The following PLEKHM3 variants were observed in gnomAD, a reference collection of about 807,000 sequenced individuals.
The protein encoded by PLEKHM3 is pleckstrin homology domain containing M3.
A neutral mutation model predicts 81.8 loss-of-function variants in PLEKHM3; 45 were observed. The ratio of observed to expected loss-of-function variants is 0.55; its 90% CI spans 0.43 to 0.71. PLEKHM3 has a LOEUF of 0.71. PLEKHM3 is among the 30% of genes least tolerant of loss of function. The pLI is 0.00. For missense variants in PLEKHM3, 788 were observed against 924.3 expected (o/e 0.85, Z 1.91); for synonymous variants, 352 against 356.4 (o/e 0.99, Z 0.14).
At chr2:207,968,525 T>G (rs1691004092) in intron 3 of PLEKHM3, among the ~76,000 whole-genome samples, 1 of 152,138 alleles carries the variant, frequency 6.6e-6, no homozygotes, top group Non-Finnish European at 1.5e-5. Flanking sequence ...ATCCCATTCT[T>G]CAGCTCATTC....
chr2:207,859,407 G>A (rs1255298326), intron 7 of PLEKHM3, among the ~76,000 whole-genome samples: 1 of 151,720 alleles, frequency 6.6e-6, no homozygotes, highest in African/African-American at 2.4e-5. Context: ...CAAAGTGCTG[G>A]GATTACAGGT....
chr2:208,005,819 G>T (rs780063045), intron 1 of PLEKHM3, among the ~76,000 whole-genome samples: 1 of 152,098 alleles, frequency 6.6e-6, no homozygotes, highest in South Asian at 2.1e-4. Context: ...ACACACACAC[G>T]CATGTGCATG....
intron 7 of PLEKHM3, among the ~76,000 whole-genome samples, chr2:207,844,778 T>C (rs2092374377): frequency 6.6e-6 from 1 of 152,184 alleles, no homozygotes; most frequent in African/African-American, 2.4e-5. Context: ...GGTTGGTTTG[T>C]GGGTTCCCCA....
intron 4 of PLEKHM3, 44 bp downstream of exon 4, chr2:207,946,321 AAC>A: frequency 6.3e-7 from 1 of 1,579,658 alleles, no homozygotes. Flanking sequence ...AGAACATATG[AAC>A]ACCTGAATTA....
At chr2:208,013,493 G>C (rs1261334055) in intron 1 of PLEKHM3, among the ~76,000 whole-genome samples, 1 of 151,734 alleles carries the variant, frequency 6.6e-6, no homozygotes, top group Admixed American at 6.6e-5. Context: ...TCCCGCCTGG[G>C]CAACAGAGCA....
chr2:207,991,280 G>T (rs1390176172), intron 2 of PLEKHM3, among the ~76,000 whole-genome samples: 1 of 152,232 alleles, frequency 6.6e-6, no homozygotes, highest in South Asian at 2.1e-4. Context: ...TGGATTTTAG[G>T]CATAAATGGC....
chr2:207,957,978 A>G (rs1043264163), intron 3 of PLEKHM3, among the ~76,000 whole-genome samples: 4 of 152,174 alleles, frequency 2.6e-5, no homozygotes, highest in Admixed American at 2.0e-4. Context: ...CCATCCTACA[A>G]TGCACAAGAC....
chr2:207,925,781 C>T (rs772904220), intron 5 of PLEKHM3, among the ~76,000 whole-genome samples: 3 of 152,128 alleles, frequency 2.0e-5, no homozygotes, highest in Admixed American at 1.3e-4. Flanking sequence ...GCCTGAGGGG[C>T]GCATTGTAAT....
intron 6 of PLEKHM3, among the ~76,000 whole-genome samples, chr2:207,883,068 A>G (rs1435028037): frequency 6.6e-6 from 1 of 152,112 alleles, no homozygotes; most frequent in Non-Finnish European, 1.5e-5. Flanking sequence ...TACTCAACTT[A>G]GGATGCTCCA....
At chr2:207,925,266 G>A (rs1161022869) in intron 5 of PLEKHM3, among the ~76,000 whole-genome samples, 2 of 151,670 alleles carry the variant, frequency 1.3e-5, no homozygotes, top group East Asian at 3.9e-4. Context: ...CGGGTAGATC[G>A]CTACTGATGG....
At chr2:207,865,237 G>A (rs143283590) in intron 6 of PLEKHM3, among the ~76,000 whole-genome samples, 32 of 152,120 alleles carry the variant, frequency 2.1e-4, no homozygotes, top group Admixed American at 1.3e-3. Context: ...CGTATATCCC[G>A]TCATTCACCA....
intron 7 of PLEKHM3, among the ~76,000 whole-genome samples, chr2:207,859,469 C>G (rs1249890279): frequency 2.6e-5 from 4 of 151,674 alleles, no homozygotes; most frequent in African/African-American, 4.8e-5. Context: ...GAATAATTTT[C>G]CATTTATCTG....
At chr2:207,915,178 G>T (rs1210430165) in intron 5 of PLEKHM3, among the ~76,000 whole-genome samples, 2 of 152,132 alleles carry the variant, frequency 1.3e-5, no homozygotes, top group Non-Finnish European at 2.9e-5. Flanking sequence ...GGTAACTTAG[G>T]CTTCATTTAT....
chr2:208,017,616 C>T (rs1692966534), intron 1 of PLEKHM3, among the ~76,000 whole-genome samples: 1 of 151,972 alleles, frequency 6.6e-6, no homozygotes, highest in Non-Finnish European at 1.5e-5. Context: ...AGCTAGGATA[C>T]TTTCCCCTTC....
At chr2:207,975,899 ATTTT>A (rs3057251) in intron 3 of PLEKHM3, among the ~76,000 whole-genome samples, 2 of 140,086 alleles carry the variant, frequency 1.4e-5, no homozygotes, top group African/African-American at 5.2e-5. Flanking sequence ...ACCTGGCACA[ATTTT>A]TTTTTTTTTT....
At chr2:207,971,130 G>T (rs1164382988) in intron 3 of PLEKHM3, among the ~76,000 whole-genome samples, 1 of 152,214 alleles carries the variant, frequency 6.6e-6, no homozygotes, top group Non-Finnish European at 1.5e-5. Flanking sequence ...TTCCAAAGGT[G>T]AGCTTTGCAT....
At chr2:207,983,778 G>A (rs1691624122) in intron 2 of PLEKHM3, among the ~76,000 whole-genome samples, 1 of 152,164 alleles carries the variant, frequency 6.6e-6, no homozygotes, top group Non-Finnish European at 1.5e-5. Flanking sequence ...TCCCTGTCAT[G>A]CACCTGATTC....
At chr2:207,871,368 A>C (rs552899749) in intron 6 of PLEKHM3, among the ~76,000 whole-genome samples, 1 of 152,288 alleles carries the variant, frequency 6.6e-6, no homozygotes, top group South Asian at 2.1e-4. Context: ...GATGCCACCA[A>C]TTAGCTCTTA....
At chr2:207,997,870 C>T (rs1303937883) in intron 2 of PLEKHM3, among the ~76,000 whole-genome samples, 1 of 152,180 alleles carries the variant, frequency 6.6e-6, no homozygotes, top group East Asian at 1.9e-4. Context: ...GCATATTCCT[C>T]AGGAGAAACA....
Sources: allele counts gnomAD v4.1 joint callset (sites outside exome capture counted in the v4.1 genomes callset), GRCh38; gene constraint gnomAD v4.1.1; transcripts MANE v1.5; gene names NCBI Gene and HGNC (gene_info 2026-07-23, HGNC 2026-07-21).